Variants in ZFHX3 observed in about 807,000 individuals in gnomAD.
ZFHX3 encodes the protein zinc finger homeobox 3.
ZFHX3 carries 42 observed loss-of-function variants against 279.1 expected under a neutral mutation model. The observed-to-expected ratio is 0.15, with a 90% CI of 0.12 to 0.19. The LOEUF is 0.19. Among genes scored for constraint, ZFHX3 ranks in the 10% least tolerant of loss-of-function variants. The pLI is 1.00. For missense variants in ZFHX3, 4,981 were observed against 4,754.0 expected, an observed-to-expected ratio of 1.05 and a Z score of -1.40; for synonymous variants, 2,293 against 1,957.8, an observed-to-expected ratio of 1.17 and a Z score of -4.52.
At chr16:73,593,690 C>T (rs1395702570) in intron 2 of ZFHX3, among the ~76,000 whole-genome samples, 1 of 152,026 alleles carries the variant, frequency 6.6e-6, no homozygotes, top group Non-Finnish European at 1.5e-5. Context: ...CTGTGAGCAT[C>T]TGCAGATTTT....
intron 4 of ZFHX3, among the ~76,000 whole-genome samples, chr16:73,317,553 C>T (rs1315627052): frequency 6.6e-6 from 1 of 152,136 alleles, no homozygotes; most frequent in African/African-American, 2.4e-5. Context: ...GATGCCATTA[C>T]ACTCAGAAGA....
At position 73,203,335 on chromosome 16, in the gene ZFHX3, C is replaced by T. The variant is rs80214165; in HGVS notation, c.-1104+53712G>A. ...AGGCCCTGCTTTCATGTCACTTCCT[C>T]TAGAAAGTTCCATGGCCCATCCAGT... On this transcript the variant is annotated intron_variant, in intron 5 of 17. Transcript: ENST00000641206. Among the ~76,000 whole-genome samples, 159 of 152,328 alleles carry T rather than the reference C, an allele frequency of 1.0e-3. 1 individual carries two copies. The highest frequency in any genetic ancestry group is 3.7e-3 in the African/African-American group (154 of 41,580).
At chr16:73,223,404 C>T (rs569923094) in intron 5 of ZFHX3, among the ~76,000 whole-genome samples, 134 of 152,002 alleles carry the variant, frequency 8.8e-4, no homozygotes, top group Non-Finnish European at 1.7e-3. Context: ...AGAAAACGGG[C>T]TAAAGACCTT....
intron 5 of ZFHX3, among the ~76,000 whole-genome samples, chr16:72,826,098 T>C (rs537667723): frequency 3.3e-5 from 5 of 152,300 alleles, no homozygotes; most frequent in East Asian, 1.9e-4. Context: ...GACTCAGCCA[T>C]TGATCGTGGA....
chr16:73,682,930 GAAAGAAAGAAAGAA>G (rs2053034750), intron 1 of ZFHX3, among the ~76,000 whole-genome samples: 5 of 31,782 alleles, frequency 1.6e-4, no homozygotes, highest in African/African-American at 7.2e-4. Flanking sequence ...GAAAGAGAAA[GAAAGAAAGAAAGAA>G]AGAAAGAAAG....
In ZFHX3 at chr16:72,884,454, T is replaced by C. The variant is rs537640705; in HGVS notation, c.3448+5277A>G. ...TGGTCTAGTCATCAGTGTGTCCATA[T>C]TGAGAGTGCAGAGGAGATCAGTGAT... On this transcript the variant is annotated intron_variant, in intron 4 of 9. Coordinates refer to ENST00000268489, the MANE Select transcript of ZFHX3 (RefSeq NM_006885.4). 2.5e-4 allele frequency among the ~76,000 whole-genome samples: 38 copies of C among 152,338 alleles called. 1 individual carries two copies. The South Asian group carries it at 6.6e-3, about 27-fold the overall frequency.
intron 3 of ZFHX3, among the ~76,000 whole-genome samples, chr16:72,915,003 C>G (rs1273259244): frequency 1.3e-5 from 2 of 152,028 alleles, no homozygotes; most frequent in African/African-American, 4.8e-5. Flanking sequence ...AGCAAACAAA[C>G]AAACAACAAC....
At chr16:73,103,648 C>G (rs978962643) in intron 7 of ZFHX3, among the ~76,000 whole-genome samples, 1 of 152,204 alleles carries the variant, frequency 6.6e-6, no homozygotes, top group African/African-American at 2.4e-5. Context: ...TTTTGGCCCA[C>G]TCACAGTGCA....
chr16:72,961,819 T>C (rs997340032), intron 1 of ZFHX3, among the ~76,000 whole-genome samples: 12 of 152,190 alleles, frequency 7.9e-5, no homozygotes, highest in African/African-American at 2.7e-4. Context: ...ACTTCAGATT[T>C]TGCAACCACA....
chr16:72,907,914 C>A (rs955470036), intron 3 of ZFHX3, among the ~76,000 whole-genome samples: 2 of 152,020 alleles, frequency 1.3e-5, no homozygotes, highest in Admixed American at 6.6e-5. Context: ...AAACTCCTGG[C>A]CTCAAGTGAT....
rs182698082 is a variant in ZFHX3 at position 73,821,905 on chromosome 16, C to T, written c.-1608+69746G>A. Among the ~76,000 whole-genome samples the T allele has an allele frequency of 3.9e-5, 6 of 152,278 alleles. No individual in the cohort carries two copies. The East Asian group carries it at 5.8e-4, about 15-fold the overall frequency. ...CTCCTGAGATTCCCATATAGCCTAACAGCATGTTAGAACGGTCACAACCCA... is the reference window on the plus strand; with the variant it reads ...CTCCTGAGATTCCCATATAGCCTAATAGCATGTTAGAACGGTCACAACCCA... On this transcript the variant is annotated intron_variant, in intron 1 of 17. Coordinates refer to the ZFHX3 transcript ENST00000641206.
chr16:73,858,535 T>C (rs1335527954), intron 1 of ZFHX3, among the ~76,000 whole-genome samples: 2 of 152,274 alleles, frequency 1.3e-5, no homozygotes, highest in Admixed American at 1.3e-4. Flanking sequence ...TGCATAGCAT[T>C]ATTATGCCTT....
intron 2 of ZFHX3, among the ~76,000 whole-genome samples, chr16:73,649,730 G>C (rs1025013583): frequency 2.0e-5 from 3 of 152,098 alleles, no homozygotes; most frequent in Admixed American, 6.5e-5. Flanking sequence ...CTAATAATGA[G>C]TTCTGAAATT....
chr16:73,416,908 T>C lies in ZFHX3; in HGVS notation c.-1291+39095A>G, dbSNP rs1471987336. Among the ~76,000 whole-genome samples the C allele has an allele frequency of 2.6e-5, 4 of 151,910 alleles. No individual in the cohort carries two copies. The East Asian group carries it at 7.7e-4, about 29-fold the overall frequency. On this transcript the variant is annotated intron_variant, in intron 3 of 17. Coordinates refer to the ZFHX3 transcript ENST00000641206. Reference sequence around the variant, plus strand: ...AAAAAGCAAGTTGAGGAGTAGGATATTATCATCATCTCAACGTACCTCCCA... The same window carrying C: ...AAAAAGCAAGTTGAGGAGTAGGATACTATCATCATCTCAACGTACCTCCCA...
chr16:73,016,870 C>T (rs930991052), intron 1 of ZFHX3, among the ~76,000 whole-genome samples: 2 of 151,796 alleles, frequency 1.3e-5, no homozygotes, highest in Non-Finnish European at 2.9e-5. Flanking sequence ...CCCAAGTTCA[C>T]GTGTATATCC....
Position 72,798,519 on chromosome 16 carries a change from C to T in ZFHX3, c.4163G>A (p.Arg1388Lys), listed in dbSNP as rs1270528209. 1.2e-6 allele frequency: 2 copies of T among 1,614,190 alleles called. No individual in the cohort carries two copies. Among genetic ancestry groups the T allele is most frequent in the East Asian group, 2.2e-5 (1 of 44,878 alleles). Residue 1388 changes from arginine (R) to lysine (K), a missense_variant, in exon 9 of 10, where the codon AGG (arginine) becomes AAG (lysine). Arg to Lys is a conservative substitution (Grantham distance 26, BLOSUM62 2). Around this residue, in one of 7 missense-constraint regions of ZFHX3, gnomAD observed 1,751 missense variants for 1,770.0 expected, o/e 0.99. Transcript: ENST00000268489. Reference sequence around the variant, plus strand: ...GCGATCTGACACCGGCAGCTGAGGCCTCTTGGCATGCACTTCATTAAAATG... The same window carrying T: ...GCGATCTGACACCGGCAGCTGAGGCTTCTTGGCATGCACTTCATTAAAATG... ...QTHFNEVHAK[R>K]PQLPVSDRHV... is the part of the protein sequence containing the mutation.
chr16:72,888,735 G>A (rs2038693365), intron 4 of ZFHX3, among the ~76,000 whole-genome samples: 1 of 152,232 alleles, frequency 6.6e-6, no homozygotes, highest in African/African-American at 2.4e-5. Context: ...AGGCCCAGCA[G>A]GTCCTGGGCT....
At chr16:73,842,681 A>G (rs1961342636) in intron 1 of ZFHX3, among the ~76,000 whole-genome samples, 1 of 152,126 alleles carries the variant, frequency 6.6e-6, no homozygotes, top group African/African-American at 2.4e-5. Flanking sequence ...AACAACAACA[A>G]CAGCAACAAA....
chr16:73,020,615 A>G (rs971285538), intron 1 of ZFHX3, among the ~76,000 whole-genome samples: 1 of 152,216 alleles, frequency 6.6e-6, no homozygotes, highest in Non-Finnish European at 1.5e-5. Context: ...ACTCAGCAAT[A>G]GTCATCGAAA....
Sources: allele counts gnomAD v4.1 joint callset (sites outside exome capture counted in the v4.1 genomes callset), GRCh38; gene constraint gnomAD v4.1.1; regional missense constraint gnomAD v4.1.1; transcripts MANE v1.5; gene names NCBI Gene and HGNC (gene_info 2026-07-23, HGNC 2026-07-21).